The following ATRNL1 variants were observed in gnomAD, a reference collection of about 807,000 sequenced individuals.
ATRNL1 encodes the protein attractin like 1.
Under a neutral mutation model 182.7 loss-of-function variants are expected in ATRNL1, and 95 were observed. That is an observed-to-expected ratio of 0.52 (90% CI 0.44 to 0.62). ATRNL1 has a LOEUF of 0.62. Ranked by LOEUF, ATRNL1 falls within the 20% of genes least tolerant of loss-of-function variation. The pLI, the probability that ATRNL1 is intolerant of heterozygous loss-of-function variation, is 0.00. For synonymous variants in ATRNL1, 576 were observed against 568.3 expected, an observed-to-expected ratio of 1.01 and a Z score of -0.19; for missense variants, 1,471 against 1,679.5, an observed-to-expected ratio of 0.88 and a Z score of 2.17.
chr10:115,875,612 C>T (rs879955680), intron 28 of ATRNL1, among the ~76,000 whole-genome samples: 3 of 152,174 alleles, frequency 2.0e-5, no homozygotes, highest in Admixed American at 2.0e-4. Flanking sequence ...TACTTATGTG[C>T]ATTGAGTACC....
At chr10:115,835,915 G>A (rs1265915516) in intron 27 of ATRNL1, among the ~76,000 whole-genome samples, 5 of 152,232 alleles carry the variant, frequency 3.3e-5, no homozygotes, top group South Asian at 4.1e-4. Flanking sequence ...AGAGGCTGCC[G>A]CACCACAGGT....
intron 26 of ATRNL1, among the ~76,000 whole-genome samples, chr10:115,694,134 T>C (rs1393246190): frequency 4.0e-5 from 6 of 150,668 alleles, no homozygotes; most frequent in Non-Finnish European, 7.4e-5. Context: ...AATATAACTT[T>C]CCTATTTTTC....
chr10:115,341,093 T>C (rs1855733331), intron 19 of ATRNL1, among the ~76,000 whole-genome samples: 1 of 152,060 alleles, frequency 6.6e-6, no homozygotes, highest in African/African-American at 2.4e-5. Flanking sequence ...CTTCCTTTTC[T>C]AGTTTTTAAG....
intron 1 of ATRNL1, 73 bp downstream of exon 1, chr10:115,094,116 C>G (rs2084949378): frequency 7.1e-6 from 9 of 1,271,018 alleles, no homozygotes; most frequent in Non-Finnish European, 9.1e-6. Context: ...GCCCCCCTCG[C>G]GGCCTCCCCC....
chr10:115,137,034 A>G (rs1440080452), intron 5 of ATRNL1, among the ~76,000 whole-genome samples: 1 of 152,244 alleles, frequency 6.6e-6, no homozygotes, highest in Admixed American at 6.5e-5. Context: ...TAAAGAACAC[A>G]ATAGAACAGT....
intron 24 of ATRNL1, among the ~76,000 whole-genome samples, chr10:115,501,732 A>T (rs1554980142): frequency 6.6e-6 from 1 of 152,236 alleles, no homozygotes. Flanking sequence ...TTTTCTTGAC[A>T]TTGAAAAAAC....
chr10:115,400,383 A>G (rs1348303025), intron 20 of ATRNL1, among the ~76,000 whole-genome samples: 7 of 152,132 alleles, frequency 4.6e-5, no homozygotes, highest in Non-Finnish European at 5.9e-5. Context: ...ATTTTAGAGT[A>G]TATGCCATGC....
chr10:115,598,354 T>TTTAC (rs1490675720), intron 26 of ATRNL1, among the ~76,000 whole-genome samples: 1 of 144,362 alleles, frequency 6.9e-6, no homozygotes, highest in Non-Finnish European at 1.5e-5. Flanking sequence ...AAAAAAATTA[T>TTTAC]TTATTTATTT....
intron 19 of ATRNL1, among the ~76,000 whole-genome samples, chr10:115,383,406 G>C (rs1222251100): frequency 1.3e-5 from 2 of 151,774 alleles, no homozygotes; most frequent in African/African-American, 4.8e-5. Flanking sequence ...TATGGTTTGT[G>C]TCTGTATGTA....
intron 26 of ATRNL1, among the ~76,000 whole-genome samples, chr10:115,583,131 CT>C (rs1359075400): frequency 6.7e-6 from 1 of 150,058 alleles, no homozygotes; most frequent in Admixed American, 6.7e-5. Context: ...CAGTACCATG[CT>C]GTTTTGGTTA....
rs540386520 is a variant in ATRNL1, at chr10:115,925,341, A to G, written c.4019-19317A>G. The stretch of plus-strand genomic sequence containing the variant: ...TAAAGACCAATGACACTATGAAGAA[A>G]CTGAATCAACTAGTGTGCAAAATAA... On this transcript the variant is annotated intron_variant, in intron 28 of 28. Coordinates refer to ENST00000355044, the MANE Select transcript of ATRNL1 (RefSeq NM_207303.4). 6.0e-4 allele frequency among the ~76,000 whole-genome samples: 92 copies of G among 152,228 alleles called. No individual in the cohort carries two copies. The Middle Eastern group carries it at 0.031, about 51-fold the overall frequency.
At chr10:115,596,227 T>C (rs1856233388) in intron 26 of ATRNL1, among the ~76,000 whole-genome samples, 1 of 152,076 alleles carries the variant, frequency 6.6e-6, no homozygotes. Flanking sequence ...TGCCTCAGCC[T>C]CCTGAGTAGC....
intron 25 of ATRNL1, among the ~76,000 whole-genome samples, chr10:115,520,229 T>C (rs11817628): frequency 8.5e-5 from 13 of 152,198 alleles, no homozygotes; most frequent in African/African-American, 3.1e-4. Flanking sequence ...CCTGCACAAC[T>C]CAATCCTTAG....
intron 27 of ATRNL1, among the ~76,000 whole-genome samples, chr10:115,778,488 A>G (rs1949184080): frequency 6.6e-6 from 1 of 152,244 alleles, no homozygotes; most frequent in South Asian, 2.1e-4. Context: ...TTAAAGAGCA[A>G]TAAGTAGATT....
intron 5 of ATRNL1, among the ~76,000 whole-genome samples, chr10:115,136,051 A>G (rs1554876593): frequency 6.7e-6 from 1 of 150,080 alleles, no homozygotes; most frequent in Non-Finnish European, 1.5e-5. Flanking sequence ...TTTTTTAGAG[A>G]TGAGATCTTT....
In ATRNL1 at chr10:115,093,863, A is replaced by G; in HGVS notation, c.113A>G (p.Asp38Gly). Residue 38 changes from aspartate to glycine, a missense_variant, in exon 1 of 29, where the codon GAC (aspartate) becomes GGC (glycine). This residue lies in a region of ATRNL1 where 1,031 missense variants were observed against 1,156.0 expected (regional missense o/e 0.89). Coordinates refer to ENST00000355044, the MANE Select transcript of ATRNL1 (RefSeq NM_207303.4). The surrounding 1 kb of genome is among the most constrained non-coding windows in gnomAD (Gnocchi z 6.1). ...GGGGASSWLLDGNSWLLCYGF... is the reference protein window; with the variant it reads ...GGGGASSWLLGGNSWLLCYGF... ...GGGGGCGCCTCCTCCTGGCTGCTGG[A>G]CGGGAACAGCTGGCTGCTGTGCTAT... The G allele has an allele frequency of 3.8e-6, 6 of 1,570,828 alleles. No homozygotes were observed. Among genetic ancestry groups the G allele is most frequent in the Non-Finnish European group, 5.2e-6 (6 of 1,162,028 alleles).
At chr10:115,687,343 TCATATAAGTGGTGC>T in intron 26 of ATRNL1, among the ~76,000 whole-genome samples, 1 of 152,234 alleles carries the variant, frequency 6.6e-6, no homozygotes, top group South Asian at 2.1e-4. Context: ...TTTAGATTTA[TCATATAAGTGGTGC>T]CATGTAGCAT....
chr10:115,345,094 AG>A (rs1592492061), intron 19 of ATRNL1, among the ~76,000 whole-genome samples: 1 of 152,170 alleles, frequency 6.6e-6, no homozygotes, highest in East Asian at 1.9e-4. Flanking sequence ...GTACTCCCTT[AG>A]TCACCCCCTC....
intron 24 of ATRNL1, among the ~76,000 whole-genome samples, chr10:115,513,825 A>G (rs1231773978): frequency 6.6e-6 from 1 of 151,994 alleles, no homozygotes. Context: ...AACAAATTGT[A>G]GTGCTGACTC....
Sources: allele counts gnomAD v4.1 joint callset (sites outside exome capture counted in the v4.1 genomes callset), GRCh38; gene constraint gnomAD v4.1.1; regional missense constraint gnomAD v4.1.1; non-coding constraint Gnocchi (gnomAD v3.1); transcripts MANE v1.5; gene names NCBI Gene and HGNC (gene_info 2026-07-23, HGNC 2026-07-21).